The following TANK variants were observed in gnomAD, a reference collection of about 807,000 sequenced individuals.
The protein encoded by TANK is TRAF family member associated NFKB activator, also known as TRAF family member-associated NF-kappa-B activator.
In TANK, 15 loss-of-function variants were observed where a neutral mutation model predicts 43.6. The ratio of observed to expected loss-of-function variants is 0.34; its 90% confidence interval spans 0.23 to 0.53. The LOEUF (loss-of-function observed/expected upper bound fraction) is 0.53, where lower values mean the gene tolerates loss of function less well. Among genes scored for constraint, TANK ranks in the 20% least tolerant of loss-of-function variants. The pLI, the probability that TANK is intolerant of heterozygous loss-of-function variation, is 0.94. For synonymous variants in TANK, 162 were observed against 178.2 expected (o/e 0.91, Z 0.73); for missense variants, 417 against 498.6 (o/e 0.84, Z 1.56).
intron 2 of TANK, chr2:161,200,718 A>G (rs970836160): frequency 1.4e-5 from 3 of 209,552 alleles, no homozygotes; most frequent in Non-Finnish European, 2.5e-5. Context: ...TAGTGTTTCT[A>G]GAGAAATATA....
intron 1 of TANK, among the ~76,000 whole-genome samples, chr2:161,170,146 A>C (rs1001919182): frequency 6.6e-6 from 1 of 152,166 alleles, no homozygotes; most frequent in Non-Finnish European, 1.5e-5. Flanking sequence ...TGAGAATTGA[A>C]ATAGAATTAA....
At chr2:161,224,789 T>G (rs781385521) in intron 6 of TANK, 43 bp downstream of exon 6, 3 of 1,177,236 alleles carry the variant, frequency 2.5e-6, no homozygotes, top group Non-Finnish European at 3.6e-6. Context: ...TTTGCTTGAT[T>G]GAAATTGATT....
At chr2:161,185,781 G>A (rs1184045199) in intron 2 of TANK, among the ~76,000 whole-genome samples, 3 of 151,538 alleles carry the variant, frequency 2.0e-5, no homozygotes, top group African/African-American at 4.9e-5. Flanking sequence ...GTTAGTGGGT[G>A]TAGCGCACCA....
At chr2:161,144,303 C>G (rs975508622) in intron 1 of TANK, among the ~76,000 whole-genome samples, 4 of 152,000 alleles carry the variant, frequency 2.6e-5, no homozygotes, top group African/African-American at 9.7e-5. Context: ...GTGTCTCTAT[C>G]TCCTTCAGTT....
rs774887134 is a variant in TANK at position 161,182,464 on chromosome 2, ATACT to A, written c.99+2709_99+2712del. On this transcript the variant is annotated intron_variant, in intron 2 of 7. Coordinates refer to ENST00000392749, the MANE Select transcript of TANK (RefSeq NM_001199135.3). ...TGGCTCACAGAACTCAGGGGAACCA[ATACT>A]TACTTGTACCAGTTTATTTTGAAGG... 7.9e-5 allele frequency among the ~76,000 whole-genome samples: 12 copies of A among 152,238 alleles called. No individual in the cohort carries two copies. The East Asian group carries it at 1.5e-3, about 20-fold the overall frequency.
chr2:161,181,958 T>C (rs1685448487), intron 2 of TANK, among the ~76,000 whole-genome samples: 1 of 152,176 alleles, frequency 6.6e-6, no homozygotes, highest in Admixed American at 6.5e-5. Flanking sequence ...CTCTGAAGTC[T>C]AATATGCTAA....
intron 1 of TANK, among the ~76,000 whole-genome samples, chr2:161,143,587 C>T (rs1435289429): frequency 1.3e-5 from 2 of 152,036 alleles, no homozygotes; most frequent in African/African-American, 2.4e-5. Flanking sequence ...TGGTTTTTGT[C>T]ATTGGTTCTG....
At chr2:161,141,564 T>A (rs1311427019) in intron 1 of TANK, among the ~76,000 whole-genome samples, 2 of 152,182 alleles carry the variant, frequency 1.3e-5, no homozygotes, top group Non-Finnish European at 2.9e-5. Flanking sequence ...CTCACACTTA[T>A]GAGTTAGAAC....
rs1223787085 is a variant in TANK at position 161,231,406 on chromosome 2, T to G, written c.956T>G (p.Ile319Ser). 6 of 1,614,190 alleles carry G rather than the reference T, an allele frequency of 3.7e-6. No individual in the cohort carries two copies. Among genetic ancestry groups the G allele is most frequent in the Non-Finnish European group, 5.1e-6 (6 of 1,180,018 alleles). ...TKPSNLVNTC[I>S]RTTLDRAACL... ...CCCTCAAATCTCGTAAACACTTGTA[T>G]CAGGACAACTCTGGATAGAGCTGCG... The change falls in exon 7 of 8, where the codon ATC becomes AGC. Residue 319 changes from isoleucine (I) to serine (S), a missense_variant. By Grantham distance (142) the Ile-to-Ser change is moderately radical (BLOSUM62 -2). Coordinates refer to ENST00000392749, the MANE Select transcript of TANK (RefSeq NM_001199135.3).
At chr2:161,215,020 C>G (rs1225263068) in intron 4 of TANK, among the ~76,000 whole-genome samples, 1 of 152,128 alleles carries the variant, frequency 6.6e-6, no homozygotes. Context: ...TTCAAATTTG[C>G]TCTGCAAACA....
At chr2:161,179,341 T>A in intron 1 of TANK, 1 of 343,390 alleles carries the variant, frequency 2.9e-6, no homozygotes, top group Non-Finnish European at 5.2e-6. Context: ...TTTCTCATTT[T>A]TAGGTTAAGT....
intron 2 of TANK, among the ~76,000 whole-genome samples, chr2:161,188,965 T>C (rs899472073): frequency 6.6e-6 from 1 of 152,218 alleles, no homozygotes; most frequent in Admixed American, 6.5e-5. Flanking sequence ...ATATGGAAGA[T>C]GCTAGTGTCT....
chr2:161,209,043 A>G (rs567750209), intron 4 of TANK, among the ~76,000 whole-genome samples: 4 of 152,228 alleles, frequency 2.6e-5, no homozygotes, highest in Non-Finnish European at 4.4e-5. Context: ...TATGACAAAT[A>G]TTGATGAAAC....
intron 1 of TANK, among the ~76,000 whole-genome samples, chr2:161,165,528 T>C (rs1199536691): frequency 6.6e-6 from 1 of 152,190 alleles, no homozygotes; most frequent in African/African-American, 2.4e-5. Context: ...GATTGTTGTT[T>C]CTCAACCTTT....
intron 4 of TANK, among the ~76,000 whole-genome samples, chr2:161,215,793 C>T (rs1687090827): frequency 6.6e-6 from 1 of 152,296 alleles, no homozygotes; most frequent in South Asian, 2.1e-4. Context: ...TGCACCTATA[C>T]ACTCTGAGCT....
intron 2 of TANK, among the ~76,000 whole-genome samples, chr2:161,183,365 TTTTCAGTTCAGGTTTAAGACATAACTAC>T (rs1685517242): frequency 6.6e-6 from 1 of 152,180 alleles, no homozygotes; most frequent in Non-Finnish European, 1.5e-5. Context: ...TTTATTTTTT[TTTTCAGTTCAGGTTTAAGACATAACTAC>T]TTTTGTAGAA....
chr2:161,157,579 C>T (rs765895813), upstream of TANK, among the ~76,000 whole-genome samples: 5 of 152,194 alleles, frequency 3.3e-5, no homozygotes, highest in African/African-American at 9.7e-5. Context: ...TGACTGAGAA[C>T]ATAACTGACA....
intron 4 of TANK, chr2:161,212,545 A>C (rs1410948433): frequency 1.0e-6 from 1 of 985,170 alleles, no homozygotes; most frequent in Non-Finnish European, 1.2e-6. Flanking sequence ...TTGTTAAAAT[A>C]CTGGAAATAA....
chr2:161,154,573 T>C (rs1684171095), intron 1 of TANK, among the ~76,000 whole-genome samples: 1 of 152,060 alleles, frequency 6.6e-6, no homozygotes, highest in African/African-American at 2.4e-5. Context: ...AGATAGATAG[T>C]AGCAATGGGG....
Sources: allele counts gnomAD v4.1 joint callset (sites outside exome capture counted in the v4.1 genomes callset), GRCh38; gene constraint gnomAD v4.1.1; transcripts MANE v1.5; gene names NCBI Gene and HGNC (gene_info 2026-07-23, HGNC 2026-07-21).